Variants in SCFD2 observed in about 807,000 individuals in gnomAD.
SCFD2 encodes the protein sec1 family domain containing 2.
Under a neutral mutation model 58.9 loss-of-function variants are expected in SCFD2, and 54 were observed. The ratio of observed to expected loss-of-function variants is 0.92; its 90% CI spans 0.74 to 1.15. The LOEUF is 1.15. Among genes scored for constraint, SCFD2 ranks in the 50% most tolerant of loss-of-function variants. The pLI is 0.00. For synonymous variants in SCFD2, 321 were observed against 335.9 expected, an observed-to-expected ratio of 0.96 and a Z score of 0.49; for missense variants, 805 against 836.6, an observed-to-expected ratio of 0.96 and a Z score of 0.47.
chr4:53,102,402 T>C (rs1724855262), intron 5 of SCFD2, among the ~76,000 whole-genome samples: 1 of 152,076 alleles, frequency 6.6e-6, no homozygotes, highest in Non-Finnish European at 1.5e-5. Flanking sequence ...AAAATTGACA[T>C]ATTTGACTAA....
chr4:53,342,514 T>C (rs2149149006), intron 2 of SCFD2, among the ~76,000 whole-genome samples: 1 of 152,220 alleles, frequency 6.6e-6, no homozygotes. Flanking sequence ...TAATGGGAGA[T>C]GTTAACACCC....
chr4:53,027,712 C>T (rs1722512512), intron 5 of SCFD2, among the ~76,000 whole-genome samples: 1 of 152,078 alleles, frequency 6.6e-6, no homozygotes, highest in Non-Finnish European at 1.5e-5. Flanking sequence ...CCTGTAGTCC[C>T]AGCTACTCGG....
intron 4 of SCFD2, among the ~76,000 whole-genome samples, chr4:53,263,444 C>T (rs1730888044): frequency 6.6e-6 from 1 of 152,164 alleles, no homozygotes; most frequent in Non-Finnish European, 1.5e-5. Flanking sequence ...GGGGTGCTCC[C>T]TTGATGAACT....
At chr4:53,235,741 A>C (rs1477538728) in intron 4 of SCFD2, among the ~76,000 whole-genome samples, 1 of 152,162 alleles carries the variant, frequency 6.6e-6, no homozygotes, top group Non-Finnish European at 1.5e-5. Flanking sequence ...TCTGTATGTA[A>C]GCCTGATATG....
chr4:53,160,487 G>C (rs187194574), intron 4 of SCFD2, among the ~76,000 whole-genome samples: 14 of 152,354 alleles, frequency 9.2e-5, no homozygotes, highest in South Asian at 6.2e-4. Flanking sequence ...ATAAGCAAAA[G>C]AGTCTAGAAT....
Position 53,145,365 on chromosome 4 carries a change from G to C in SCFD2, c.1529C>G (p.Ser510Cys). 1.9e-6 allele frequency: 3 copies of C among 1,614,180 alleles called. No homozygotes were observed. The highest frequency in any genetic ancestry group is 2.5e-6 in the Non-Finnish European group (3 of 1,180,032). The change falls in exon 5 of 9, where the codon TCT becomes TGT. Residue 510 changes from serine to cysteine, a missense_variant. Physicochemically the swap from Ser to Cys is moderately radical, Grantham distance 112. This residue lies in a region of SCFD2 where 633 missense variants were observed against 646.8 expected (regional missense o/e 0.98). Transcript: ENST00000401642. ...TTTTTGCAGCAAAGGTGACAATCCAGATTCCTCACAGAAGACCTGAGCCAA... is the reference window on the plus strand; with the variant it reads ...TTTTTGCAGCAAAGGTGACAATCCACATTCCTCACAGAAGACCTGAGCCAA... ...KALAQVFCEE[S>C]GLSPLLQKIT... is the part of the protein sequence containing the mutation.
intron 4 of SCFD2, among the ~76,000 whole-genome samples, chr4:53,246,218 T>A (rs377353787): frequency 2.6e-5 from 4 of 152,148 alleles, no homozygotes; most frequent in Admixed American, 6.5e-5. Context: ...ATAAAAAAAA[T>A]TTCATGCTCA....
intron 2 of SCFD2, among the ~76,000 whole-genome samples, chr4:53,344,528 G>A (rs971158058): frequency 1.3e-5 from 2 of 152,096 alleles, no homozygotes; most frequent in Non-Finnish European, 2.9e-5. Flanking sequence ...TACTGCCCAA[G>A]GTAATTTATA....
chr4:53,176,385 T>C (rs1272017431), intron 4 of SCFD2, among the ~76,000 whole-genome samples: 1 of 151,740 alleles, frequency 6.6e-6, no homozygotes, highest in Admixed American at 6.6e-5. Context: ...TCCTTAAGCC[T>C]CTTAGAGCTC....
At chr4:53,134,623 C>A (rs1329150249) in intron 5 of SCFD2, among the ~76,000 whole-genome samples, 1 of 152,130 alleles carries the variant, frequency 6.6e-6, no homozygotes, top group Non-Finnish European at 1.5e-5. Context: ...ATCTCTATAC[C>A]ATTATTTTAT....
intron 5 of SCFD2, among the ~76,000 whole-genome samples, chr4:52,973,697 C>G (rs6835661): frequency 0.02 from 3,068 of 152,226 alleles, 103 homozygotes; most frequent in African/African-American, 0.071. Flanking sequence ...GATACCAAAG[C>G]CTGGCAGAGA....
chr4:53,255,379 C>G (rs966355206), intron 4 of SCFD2, among the ~76,000 whole-genome samples: 1 of 152,028 alleles, frequency 6.6e-6, no homozygotes, highest in South Asian at 2.1e-4. Flanking sequence ...GTGTTTGTGT[C>G]CCTGGGTACT....
At chr4:53,164,622 C>T (rs1215210107) in intron 4 of SCFD2, among the ~76,000 whole-genome samples, 1 of 151,964 alleles carries the variant, frequency 6.6e-6, no homozygotes, top group Non-Finnish European at 1.5e-5. Flanking sequence ...GGCAAAACCC[C>T]GTTTCCACTA....
chr4:53,043,190 C>T (rs1199755919), intron 5 of SCFD2, among the ~76,000 whole-genome samples: 2 of 152,094 alleles, frequency 1.3e-5, no homozygotes, highest in East Asian at 1.9e-4. Flanking sequence ...CTTCACAATG[C>T]TGAAGGCAAT....
intron 4 of SCFD2, among the ~76,000 whole-genome samples, chr4:53,267,402 T>G (rs1207505285): frequency 6.6e-6 from 1 of 152,212 alleles, no homozygotes; most frequent in Non-Finnish European, 1.5e-5. Flanking sequence ...AGTAAGCATG[T>G]CCATAAACAA....
chr4:53,061,223 A>T (rs957436012), intron 5 of SCFD2, among the ~76,000 whole-genome samples: 1 of 152,162 alleles, frequency 6.6e-6, no homozygotes, highest in Non-Finnish European at 1.5e-5. Context: ...TTGAACTTAT[A>T]TTTTGGCATG....
intron 5 of SCFD2, among the ~76,000 whole-genome samples, chr4:53,139,199 G>A (rs1726036877): frequency 6.6e-6 from 1 of 152,266 alleles, no homozygotes; most frequent in South Asian, 2.1e-4. Context: ...GGAGTGCAGT[G>A]GTGTGATCTC....
intron 4 of SCFD2, among the ~76,000 whole-genome samples, chr4:53,194,099 A>G (rs180689798): frequency 1.3e-5 from 2 of 152,298 alleles, no homozygotes; most frequent in African/African-American, 4.8e-5. Flanking sequence ...CTACACATAC[A>G]ACCAACATAT....
At chr4:52,948,235 T>C (rs1720492857) in intron 5 of SCFD2, 1 of 268,962 alleles carries the variant, frequency 3.7e-6, no homozygotes. Context: ...GTTAATGCGC[T>C]TTCTCTTCCC....
Sources: gnomAD v4.1 joint callset for allele counts (sites outside exome capture counted in the v4.1 genomes callset) on GRCh38, gnomAD v4.1.1 for gene constraint, gnomAD v4.1.1 regional missense constraint, MANE v1.5 for transcripts, NCBI Gene and HGNC (gene_info 2026-07-23, HGNC 2026-07-21) for gene names.